The following CCDC39 variants were observed in gnomAD, a reference collection of about 807,000 sequenced individuals.
The protein encoded by CCDC39 is coiled-coil domain 39 molecular ruler complex subunit, also known as coiled-coil domain-containing protein 39.
Under a neutral mutation model 121.0 loss-of-function variants are expected in CCDC39, and 113 were observed. That is an observed-to-expected ratio of 0.93 (90% CI 0.80 to 1.09). The LOEUF (loss-of-function observed/expected upper bound fraction) is 1.09, where lower values mean the gene tolerates loss of function less well. CCDC39 is among the 50% of genes least tolerant of loss of function. The pLI, the probability that CCDC39 is intolerant of heterozygous loss-of-function variation, is 0.00. For synonymous variants in CCDC39, 349 were observed against 352.2 expected (o/e 0.99, Z 0.10); for missense variants, 1,063 against 1,074.7 (o/e 0.99, Z 0.15).
chr3:180,655,750 G>A (rs932369696), intron 6 of CCDC39, among the ~76,000 whole-genome samples: 12 of 151,988 alleles, frequency 7.9e-5, no homozygotes, highest in African/African-American at 2.9e-4. Context: ...TAGGGTTTAG[G>A]GCCAAATTGT....
chr3:180,660,674 A>G lies in CCDC39; in HGVS notation c.412T>C (p.Trp138Arg), dbSNP rs1474462990. The G allele has an allele frequency of 2.5e-6, 4 of 1,602,856 alleles. No homozygotes were observed. The highest frequency in any genetic ancestry group is 2.3e-5 in the South Asian group (2 of 88,868). Reference protein sequence around the residue: ...KLDGLKCQMNWDQQALEAWLE... With the variant: ...KLDGLKCQMNRDQQALEAWLE... ...CAGGCCTCCAATGCTTGCTGGTCCC[A>G]GTTCATTTGACATTTCAAACCATCC... Residue 138 changes from tryptophan (W) to arginine (R), a missense_variant, in exon 4 of 20, where the codon TGG becomes CGG. Trp to Arg is a moderately radical substitution (Grantham distance 101). Coordinates refer to ENST00000476379, the MANE Select transcript of CCDC39 (RefSeq NM_181426.2).
At chr3:180,678,654 T>C (rs1056074316) in intron 1 of CCDC39, among the ~76,000 whole-genome samples, 5 of 151,504 alleles carry the variant, frequency 3.3e-5, no homozygotes, top group Non-Finnish European at 4.4e-5. Context: ...GCGCCCGGCC[T>C]GCAATTTTTT....
At chr3:180,648,113 A>C in intron 10 of CCDC39, 52 bp downstream of exon 10, 2 of 1,428,138 alleles carry the variant, frequency 1.4e-6, no homozygotes, top group Non-Finnish European at 1.9e-6. Flanking sequence ...TATCTTGACC[A>C]TCACAACTGT....
intron 6 of CCDC39, among the ~76,000 whole-genome samples, chr3:180,655,227 G>T (rs1711553190): frequency 6.6e-6 from 1 of 152,048 alleles, no homozygotes; most frequent in Non-Finnish European, 1.5e-5. Flanking sequence ...TTTTATATAT[G>T]AAAGGTAAAA....
chr3:180,631,751 G>T (rs543242801), intron 13 of CCDC39, among the ~76,000 whole-genome samples, 159 bp from the exon 14 acceptor site: 1 of 152,254 alleles, frequency 6.6e-6, no homozygotes, highest in African/African-American at 2.4e-5. Context: ...AGACTATCAG[G>T]TGTTCTTATT....
rs1272990177 is a variant in CCDC39, at chr3:180,614,231, CTTGG to C, written c.*686_*689del. 1 of 161,866 alleles carries C rather than the reference CTTGG, an allele frequency of 6.2e-6. No homozygotes were observed. Among genetic ancestry groups the C allele is most frequent in the South Asian group, 1.6e-4 (1 of 6,202 alleles). 10.0% of individuals were successfully genotyped at this position (161,866 alleles called of 1,614,324 possible). On this transcript the variant is annotated 3_prime_UTR_variant, in exon 20 of 20. Transcript: ENST00000476379. ...CAAGAAAATTTCAAAATTGTTTATACTTGGTTGGCTGTATCTGAAAGCAAATCTT... is the reference window on the plus strand; with the variant it reads ...CAAGAAAATTTCAAAATTGTTTATACTTGGCTGTATCTGAAAGCAAATCTT...
chr3:180,655,843 T>G (rs1339927471), intron 6 of CCDC39, among the ~76,000 whole-genome samples: 1 of 152,140 alleles, frequency 6.6e-6, no homozygotes, highest in East Asian at 1.9e-4. Flanking sequence ...ATAAAAAGAT[T>G]AGATGTTGTT....
chr3:180,658,958 T>C (rs1373295848), intron 6 of CCDC39, among the ~76,000 whole-genome samples: 1 of 152,206 alleles, frequency 6.6e-6, no homozygotes, highest in Non-Finnish European at 1.5e-5. Flanking sequence ...ACACTTGGTC[T>C]GTGTTATCAG....
At chr3:180,632,012 A>G (rs1206406393) in intron 13 of CCDC39, among the ~76,000 whole-genome samples, 2 of 152,142 alleles carry the variant, frequency 1.3e-5, no homozygotes, top group African/African-American at 4.8e-5. Flanking sequence ...CTTGCTCCCT[A>G]CATCCCATGG....
Position 180,667,636 on chromosome 3 carries a change from TCAGGCCTCC to T in CCDC39, c.91-3659_91-3651del, listed in dbSNP as rs575730572. Among the ~76,000 whole-genome samples, 46 of 152,272 alleles carry T rather than the reference TCAGGCCTCC, an allele frequency of 3.0e-4. No individual in the cohort carries two copies. The East Asian group carries it at 8.5e-3, about 28-fold the overall frequency. ...GTATCTGTTCTGACTGCACCACTGA[TCAGGCCTCC>T]CTCATCTCTCTCCCTCTTTTGGGGC... On this transcript the variant is annotated intron_variant, in intron 1 of 19. Coordinates refer to ENST00000476379, the MANE Select transcript of CCDC39 (RefSeq NM_181426.2).
Position 180,614,403 on chromosome 3 carries a change from G to A in CCDC39, c.*518C>T, listed in dbSNP as rs1443781086. Reference sequence around the variant, plus strand: ...GGGGGTGGGGTGGGTAGGGGTTGATGCTATTTTTTGGTTAAAAATTATAGC... The same window carrying A: ...GGGGGTGGGGTGGGTAGGGGTTGATACTATTTTTTGGTTAAAAATTATAGC... On this transcript the variant is annotated 3_prime_UTR_variant, in exon 20 of 20. Coordinates refer to ENST00000476379, the MANE Select transcript of CCDC39 (RefSeq NM_181426.2). 3.3e-5 allele frequency: 5 copies of A among 151,894 alleles called. No individual in the cohort carries two copies. Among genetic ancestry groups the A allele is most frequent in the Non-Finnish European group, 5.9e-5 (4 of 68,134 alleles). The allele number at this position is 151,894 out of a possible 1,614,324, so 9.4% of individuals were successfully genotyped here. A position where few individuals can be genotyped will look rare whatever the true frequency, so the allele number is the denominator to read the frequency against.
chr3:180,627,872 A>G (rs1364501088), intron 14 of CCDC39, among the ~76,000 whole-genome samples: 22 of 152,202 alleles, frequency 1.4e-4, no homozygotes. Context: ...GTGGTACCCC[A>G]GAAGGTGACC....
intron 3 of CCDC39, 124 bp downstream of exon 3, chr3:180,661,737 C>T (rs940512636): frequency 3.1e-5 from 24 of 784,054 alleles, no homozygotes; most frequent in Non-Finnish European, 3.4e-5. Flanking sequence ...CCAAAAAATA[C>T]GTAAGTAAAC....
intron 16 of CCDC39, chr3:180,617,524 T>C (rs1717293599): frequency 4.6e-6 from 3 of 649,602 alleles, no homozygotes; most frequent in African/African-American, 3.6e-5. Flanking sequence ...GGACAAGATA[T>C]GGAGGTGGAA....
At chr3:180,678,677 C>G (rs947372790) in intron 1 of CCDC39, among the ~76,000 whole-genome samples, 1 of 151,128 alleles carries the variant, frequency 6.6e-6, no homozygotes, top group South Asian at 2.1e-4. Flanking sequence ...TTTTTAACAA[C>G]TGCTATGAAT....
In CCDC39 at chr3:180,652,218, C is replaced by G; in HGVS notation, c.979G>C (p.Ala327Pro). ...ATCTTGGAAATATTTTTCCTCAGAGCTTCTAAATCACTGGAAGTTCTATTC... is the reference window on the plus strand; with the variant it reads ...ATCTTGGAAATATTTTTCCTCAGAGGTTCTAAATCACTGGAAGTTCTATTC... Reference protein sequence around the residue: ...TVNRTSSDLEALRKNISKIKK... With the variant: ...TVNRTSSDLEPLRKNISKIKK... The change falls in exon 8 of 20, where the codon GCT (alanine) becomes CCT (proline). Residue 327 changes from alanine to proline, a missense_variant. Transcript: ENST00000476379. The G allele has an allele frequency of 1.3e-6, 2 of 1,536,906 alleles. No homozygotes were observed. Among genetic ancestry groups the G allele is most frequent in the South Asian group, 1.3e-5 (1 of 78,394 alleles).
In CCDC39 at chr3:180,660,168, C is replaced by T. The variant is rs1277658756; in HGVS notation, c.517-399G>A. ...GATTTTTATAACATAATCAATAGCA[C>T]TACAGTCTCAAATCAGCAAAAACTA... is the stretch of plus-strand genomic sequence containing the variant. On this transcript the variant is annotated intron_variant, in intron 4 of 19. Coordinates refer to ENST00000476379, the MANE Select transcript of CCDC39 (RefSeq NM_181426.2). Among the ~76,000 whole-genome samples, 6 of 152,098 alleles carry T rather than the reference C, an allele frequency of 3.9e-5. No homozygotes were observed. In the East Asian group the frequency reaches 1.2e-3, roughly 29 times the overall value.
chr3:180,619,764 C>T (rs1451070852), intron 15 of CCDC39, 47 bp downstream of exon 15: 2 of 1,124,242 alleles, frequency 1.8e-6, no homozygotes, highest in Non-Finnish European at 2.5e-6. Context: ...TTTAACTATA[C>T]ACTCGTCACT....
At chr3:180,643,970 G>T in intron 12 of CCDC39, 150 bp downstream of exon 12, 1 of 522,550 alleles carries the variant, frequency 1.9e-6, no homozygotes, top group Non-Finnish European at 3.0e-6. Flanking sequence ...CAAGACTGGA[G>T]GGAAATTATA....
Sources: allele counts gnomAD v4.1 joint callset (sites outside exome capture counted in the v4.1 genomes callset), GRCh38; gene constraint gnomAD v4.1.1; transcripts MANE v1.5; gene names NCBI Gene and HGNC (gene_info 2026-07-23, HGNC 2026-07-21).